The following TASP1 variants were observed in gnomAD, a reference collection of about 807,000 sequenced individuals.
The protein encoded by TASP1 is taspase 1.
In TASP1, 16 loss-of-function variants were observed where a neutral mutation model predicts 56.6. The observed-to-expected ratio is 0.28, with a 90% confidence interval of 0.19 to 0.43. The LOEUF (loss-of-function observed/expected upper bound fraction) is 0.43. Ranked by LOEUF, TASP1 falls within the 20% of genes least tolerant of loss-of-function variation. TASP1 has a pLI of 1.00. For missense variants in TASP1, 393 were observed against 511.6 expected (o/e 0.77, Z 2.24); for synonymous variants, 179 against 184.2 (o/e 0.97, Z 0.23).
the TASP1 span, among the ~76,000 whole-genome samples, chr20:13,312,351 C>T: frequency 1.3e-5 from 2 of 152,120 alleles, no homozygotes; most frequent in African/African-American, 2.4e-5. Context: ...ATGGAAATGT[C>T]GTGGGTGAGA....
the TASP1 span, among the ~76,000 whole-genome samples, chr20:13,247,519 T>TGG: frequency 1.2e-5 from 1 of 85,950 alleles, no homozygotes; most frequent in Non-Finnish European, 2.2e-5. Context: ...AAGTGAGGGG[T>TGG]GTGTGTGTGT....
Position 13,623,430 on chromosome 20 carries a change from C to G in TASP1, c.282+16G>C, listed in dbSNP as rs2048786147. 9.4e-6 allele frequency: 15 copies of G among 1,591,918 alleles called. 1 individual carries two copies. The East Asian group carries it at 3.1e-4, about 33-fold the overall frequency. ...AAACTCACAAATATTTTAAATAAAACAGAGAAAAGAAATACCTCAAGTTCC... is the reference window on the plus strand; with the variant it reads ...AAACTCACAAATATTTTAAATAAAAGAGAGAAAAGAAATACCTCAAGTTCC... On this transcript the variant is annotated intron_variant, in intron 4 of 13. Coordinates refer to ENST00000337743, the MANE Select transcript of TASP1 (RefSeq NM_017714.3).
chr20:13,497,775 T>TA (rs1322387189), intron 10 of TASP1, among the ~76,000 whole-genome samples: 14 of 152,180 alleles, frequency 9.2e-5, no homozygotes, highest in Admixed American at 5.2e-4. Context: ...ATGGTACTGG[T>TA]AAAAAAACAG....
chr20:13,567,203 G>C (rs2046561281), intron 7 of TASP1, among the ~76,000 whole-genome samples: 1 of 151,958 alleles, frequency 6.6e-6, no homozygotes, highest in South Asian at 2.1e-4. Flanking sequence ...TCACTTATAA[G>C]TGGGAGCCAA....
chr20:13,232,992 G>A, the TASP1 span, among the ~76,000 whole-genome samples: 66 of 151,978 alleles, frequency 4.3e-4, no homozygotes, highest in African/African-American at 1.5e-3. Flanking sequence ...CCATCATGGT[G>A]GGGGTTGTGA....
At chr20:13,289,790 T>C in the TASP1 span, among the ~76,000 whole-genome samples, 1 of 152,168 alleles carries the variant, frequency 6.6e-6, no homozygotes, top group Non-Finnish European at 1.5e-5. Context: ...TGGTGTATAG[T>C]CTTACTGTGT....
chr20:13,620,707 A>G (rs1290815200), intron 4 of TASP1, among the ~76,000 whole-genome samples: 3 of 152,250 alleles, frequency 2.0e-5, no homozygotes, highest in Non-Finnish European at 2.9e-5. Context: ...AAAACTAAAG[A>G]TAAGTGTTTA....
At chr20:13,249,547 C>T in the TASP1 span, among the ~76,000 whole-genome samples, 2 of 152,196 alleles carry the variant, frequency 1.3e-5, no homozygotes, top group African/African-American at 4.8e-5. Flanking sequence ...TTATACACCT[C>T]GGAAAATAAA....
chr20:13,579,313 T>C (rs1387677059), intron 6 of TASP1, among the ~76,000 whole-genome samples: 1 of 152,062 alleles, frequency 6.6e-6, no homozygotes, highest in Non-Finnish European at 1.5e-5. Context: ...GGTAATCTCA[T>C]ACCAGTTAAA....
intron 11 of TASP1, among the ~76,000 whole-genome samples, chr20:13,460,854 C>T (rs1568831383): frequency 6.6e-6 from 1 of 152,154 alleles, no homozygotes; most frequent in African/African-American, 2.4e-5. Context: ...CCTATCTAGT[C>T]CGTCAGGTTC....
the TASP1 span, among the ~76,000 whole-genome samples, chr20:13,259,841 C>T: frequency 6.6e-6 from 1 of 152,248 alleles, no homozygotes; most frequent in Non-Finnish European, 1.5e-5. Context: ...TGCCCCAATA[C>T]TAAGTGATAA....
chr20:13,542,302 T>C (rs1034140135), intron 8 of TASP1, among the ~76,000 whole-genome samples: 12 of 152,284 alleles, frequency 7.9e-5, no homozygotes, highest in Non-Finnish European at 1.6e-4. Flanking sequence ...CTTTACATGA[T>C]AAATGCTGAA....
the TASP1 span, among the ~76,000 whole-genome samples, chr20:13,316,108 GGATATCACTACA>G: frequency 6.6e-6 from 1 of 151,768 alleles, no homozygotes. Flanking sequence ...ATGAAAGAGT[GGATATCACTACA>G]GATATCATGG....
At chr20:13,557,577 T>TG (rs1568579260) in intron 8 of TASP1, among the ~76,000 whole-genome samples, 1 of 137,662 alleles carries the variant, frequency 7.3e-6, no homozygotes, top group African/African-American at 2.8e-5. Flanking sequence ...TTTTGGTTTT[T>TG]TTTTTTTTTT....
At chr20:13,386,716 C>T (rs554743832), downstream of TASP1, among the ~76,000 whole-genome samples, 51 of 152,184 alleles carry the variant, frequency 3.4e-4, no homozygotes, top group African/African-American at 1.0e-3. Flanking sequence ...TGAGTAGCCC[C>T]GAGAGATGTC....
At chr20:13,520,175 A>G (rs894263341) in intron 10 of TASP1, among the ~76,000 whole-genome samples, 2 of 152,338 alleles carry the variant, frequency 1.3e-5, no homozygotes, top group African/African-American at 2.4e-5. Context: ...AAGAATCAAT[A>G]TCGGGAAAAT....
At chr20:13,136,381 G>A in the TASP1 span, among the ~76,000 whole-genome samples, 1 of 151,940 alleles carries the variant, frequency 6.6e-6, no homozygotes, top group Non-Finnish European at 1.5e-5. Context: ...TGGATCACCC[G>A]AGCTCAGAAA....
At chr20:13,392,579 A>G (rs2041331669) in intron 13 of TASP1, 1 of 340,460 alleles carries the variant, frequency 2.9e-6, no homozygotes, top group African/African-American at 2.2e-5. Context: ...AGACCATTCT[A>G]GGGCTATGTT....
intron 11 of TASP1, among the ~76,000 whole-genome samples, chr20:13,479,522 G>A (rs1291178479): frequency 6.6e-6 from 1 of 150,620 alleles, no homozygotes; most frequent in African/African-American, 2.5e-5. Context: ...GAGTGCAGTA[G>A]CACAATATTG....
Sources: allele counts gnomAD v4.1 joint callset (sites outside exome capture counted in the v4.1 genomes callset), GRCh38; gene constraint gnomAD v4.1.1; transcripts MANE v1.5; gene names NCBI Gene and HGNC (gene_info 2026-07-23, HGNC 2026-07-21).